The following CACNB3 variants were observed in gnomAD, a reference collection of about 807,000 sequenced individuals.
CACNB3 encodes the protein calcium voltage-gated channel auxiliary subunit beta 3.
A neutral mutation model predicts 63.7 loss-of-function variants in CACNB3; 36 were observed. The ratio of observed to expected loss-of-function variants is 0.57; its 90% confidence interval spans 0.43 to 0.75. The LOEUF (loss-of-function observed/expected upper bound fraction) is 0.75. CACNB3 is among the 30% of genes least tolerant of loss of function. The probability of loss-of-function intolerance (pLI) is 0.00; values close to 1 mark genes in which losing one functional copy is unlikely to be tolerated. For missense variants in CACNB3, 493 were observed against 648.6 expected (o/e 0.76, Z 2.61); for synonymous variants, 241 against 250.6 (o/e 0.96, Z 0.36).
At position 48,826,492 on chromosome 12, in the gene CACNB3, G is replaced by A. The variant is rs201472603; in HGVS notation, c.868G>A (p.Val290Ile). The A allele has an allele frequency of 1.7e-5, 27 of 1,613,942 alleles. No homozygotes were observed. The highest frequency in any genetic ancestry group is 2.7e-5 in the African/African-American group (2 of 74,912). ...CAAGACCTCGCTGGCCCCCATCATC[G>A]TCTTTGTCAAAGTGTCCTCACCAAA... ...LAKTSLAPII[V>I]FVKVSSPKVL... The change falls in exon 10 of 13, where the codon GTC becomes ATC. Residue 290 changes from valine (V) to isoleucine (I), a missense_variant. Physicochemically the swap from Val to Ile is conservative, Grantham distance 29 (BLOSUM62 3). Coordinates refer to ENST00000301050, the MANE Select transcript of CACNB3 (RefSeq NM_000725.4). The surrounding 1 kb of genome is among the most constrained non-coding windows in gnomAD (Gnocchi z 4.8).
At chr12:48,818,436 C>T, upstream of CACNB3, 2 of 987,846 alleles carry the variant, frequency 2.0e-6, no homozygotes, top group African/African-American at 1.7e-5. This position sits in a 1 kb window ranked among gnomAD's most constrained non-coding sequence, Gnocchi z 4.3. Flanking sequence ...TCTCTGTCTC[C>T]GCATCTCTCC....
chr12:48,817,660 C>CT (rs1398678591), upstream of CACNB3, among the ~76,000 whole-genome samples: 1 of 152,180 alleles, frequency 6.6e-6, no homozygotes, highest in Non-Finnish European at 1.5e-5. Context: ...GTAAAGGAGA[C>CT]TGAGTGGTGC....
chr12:48,826,317 G>A lies in CACNB3; in HGVS notation c.743-50G>A. ...GGGAGCCCTCAAAGCCTGCTGGAGT[G>A]AGCAGTGGGCAGAGCTCCTGGTGAG... On this transcript the variant is annotated intron_variant, in intron 9 of 12. Transcript: ENST00000301050. This position sits in a 1 kb window ranked among gnomAD's most constrained non-coding sequence, Gnocchi z 4.8. 6.2e-7 allele frequency: 1 copy of A among 1,602,716 alleles called. No homozygotes were observed. Among genetic ancestry groups the A allele is most frequent in the Non-Finnish European group, 8.5e-7 (1 of 1,170,268 alleles).
chr12:48,818,622 G>T lies in CACNB3; in HGVS notation c.-308G>T. On this transcript the variant is annotated 5_prime_UTR_variant, in exon 1 of 13. Transcript: ENST00000301050. This position sits in a 1 kb window ranked among gnomAD's most constrained non-coding sequence, Gnocchi z 4.3. The stretch of plus-strand genomic sequence containing the variant: ...TGGCCGCCGCCCCCTCGCCGCCCCC[G>T]CCTTCTCCCGGGGAGGGGGTCAGGT... The T allele has an allele frequency of 9.0e-7, 1 of 1,108,578 alleles. No individual in the cohort carries two copies. The highest frequency in any genetic ancestry group is 1.1e-6 in the Non-Finnish European group (1 of 910,396). 68.7% of individuals were successfully genotyped at this position (1,108,578 alleles called of 1,614,324 possible).
Position 48,818,951 on chromosome 12 carries a change from CCCG to C in CACNB3, c.23_25del (p.Pro8_Gly9delinsArg). 6.2e-7 allele frequency: 1 copy of C among 1,604,162 alleles called. No individual in the cohort carries two copies. The highest frequency in any genetic ancestry group is 1.1e-5 in the South Asian group (1 of 88,934). Reference sequence around the variant, plus strand: ...CCCCATGTATGACGACTCCTACGTGCCCGGGTTTGAGGACTCGGAGGCGGTGAG... The same window carrying C: ...CCCCATGTATGACGACTCCTACGTGCGGTTTGAGGACTCGGAGGCGGTGAG... On this transcript the variant is annotated inframe_deletion, in exon 1 of 13. Transcript: ENST00000301050. The surrounding 1 kb of genome is among the most constrained non-coding windows in gnomAD (Gnocchi z 4.3).
In CACNB3 at chr12:48,818,603, C is replaced by T; in HGVS notation, c.-327C>T. 1 of 1,095,068 alleles carries T rather than the reference C, an allele frequency of 9.1e-7. No homozygotes were observed. The highest frequency in any genetic ancestry group is 1.1e-6 in the Non-Finnish European group (1 of 901,216). The allele number at this position is 1,095,068 out of a possible 1,614,324, so 67.8% of individuals were successfully genotyped here. ...CCTGGCCCGGGCTCCCCGGTGGCCG[C>T]CGCCCCCTCGCCGCCCCCGCCTTCT... is the stretch of plus-strand genomic sequence containing the variant. On this transcript the variant is annotated 5_prime_UTR_variant, in exon 1 of 13. Coordinates refer to ENST00000301050, the MANE Select transcript of CACNB3 (RefSeq NM_000725.4). This position sits in a 1 kb window ranked among gnomAD's most constrained non-coding sequence, Gnocchi z 4.3.
Position 48,825,359 on chromosome 12 carries a change from T to C in CACNB3, c.574-75T>C. 1.3e-6 allele frequency: 2 copies of C among 1,583,614 alleles called. No individual in the cohort carries two copies. The highest frequency in any genetic ancestry group is 2.2e-5 in the East Asian group (1 of 44,680). The stretch of plus-strand genomic sequence containing the variant: ...GTCCAGGGTGTGTATGTGGAGCGCA[T>C]TGACTCTGGGGCCATGCATGGGGAG... On this transcript the variant is annotated intron_variant, in intron 7 of 12. Coordinates refer to ENST00000301050, the MANE Select transcript of CACNB3 (RefSeq NM_000725.4). The surrounding 1 kb of genome is among the most constrained non-coding windows in gnomAD (Gnocchi z 4.5).
chr12:48,828,260 A>C lies in CACNB3; in HGVS notation c.*361A>C. On this transcript the variant is annotated 3_prime_UTR_variant, in exon 13 of 13. Coordinates refer to ENST00000301050, the MANE Select transcript of CACNB3 (RefSeq NM_000725.4). ...GACTCAGGGAAGGGATGCCCCATTA[A>C]AGTGACAAAAGGGTGGGGTGTGGGC... 1 of 347,736 alleles carries C rather than the reference A, an allele frequency of 2.9e-6. No homozygotes were observed. The highest frequency in any genetic ancestry group is 5.5e-6 in the Non-Finnish European group (1 of 182,102). 21.5% of individuals were successfully genotyped at this position (347,736 alleles called of 1,614,324 possible).
Position 48,828,485 on chromosome 12 carries a change from A to T in CACNB3, c.*586A>T, listed in dbSNP as rs747582118. ...CCAAGACTGGAGCAGCAGGCTGGCCACGCTCGGGCCAGAGAGAGCTCACAG... is the reference window on the plus strand; with the variant it reads ...CCAAGACTGGAGCAGCAGGCTGGCCTCGCTCGGGCCAGAGAGAGCTCACAG... On this transcript the variant is annotated 3_prime_UTR_variant, in exon 13 of 13. Transcript: ENST00000301050. The T allele has an allele frequency of 1.3e-4, 47 of 352,108 alleles. No homozygotes were observed. Among genetic ancestry groups the T allele is most frequent in the Non-Finnish European group, 2.4e-4 (43 of 177,610 alleles). 21.8% of individuals were successfully genotyped at this position (352,108 alleles called of 1,614,324 possible). A position where few individuals can be genotyped will look rare whatever the true frequency, so the allele number is the denominator to read the frequency against.
chr12:48,816,460 G>A (rs1217220567), upstream of CACNB3, among the ~76,000 whole-genome samples: 1 of 152,212 alleles, frequency 6.6e-6, no homozygotes, highest in African/African-American at 2.4e-5. Flanking sequence ...ACACTGACAG[G>A]CACATGTCCT....
At chr12:48,827,241 C>T in intron 12 of CACNB3, 118 bp downstream of exon 12, 1 of 1,281,174 alleles carries the variant, frequency 7.8e-7, no homozygotes, top group Non-Finnish European at 1.1e-6. Context: ...GTAGAACTCT[C>T]AGCTCTGCTG....
At position 48,825,541 on chromosome 12, in the gene CACNB3, GGCCTACTTCCAGAT is replaced by G. The variant is rs1938087253; in HGVS notation, c.632+54_632+67del. 6.2e-7 allele frequency: 1 copy of G among 1,605,928 alleles called. No individual in the cohort carries two copies. Among genetic ancestry groups the G allele is most frequent in the Non-Finnish European group, 8.5e-7 (1 of 1,172,588 alleles). ...GCCTGAGAACCAAGGAGAAGCTCAT[GGCCTACTTCCAGAT>G]GCCTGTAGCTAGTCTTCTCTAAGGG... On this transcript the variant is annotated intron_variant, in intron 8 of 12. Transcript: ENST00000301050. This position sits in a 1 kb window ranked among gnomAD's most constrained non-coding sequence, Gnocchi z 4.5.
chr12:48,828,907 C>T lies in CACNB3; in HGVS notation c.*1008C>T. On this transcript the variant is annotated 3_prime_UTR_variant, in exon 13 of 13. Coordinates refer to ENST00000301050, the MANE Select transcript of CACNB3 (RefSeq NM_000725.4). ...CATGCTCCACAAGCCCCTGCCTCAC[C>T]TCACTGTCATCACTAATAAACATCA... The T allele has an allele frequency of 2.7e-6, 1 of 376,376 alleles. No homozygotes were observed. The highest frequency in any genetic ancestry group is 5.3e-6 in the Non-Finnish European group (1 of 189,522). The allele number at this position is 376,376 out of a possible 1,614,324, so 23.3% of individuals were successfully genotyped here.
chr12:48,826,626 C>A lies in CACNB3; in HGVS notation c.894+108C>A. Reference sequence around the variant, plus strand: ...GCACCTGAGTTCCCTTTTCCTGCTGCCCTTAACACAACTCTGAGTCATCCT... The same window carrying A: ...GCACCTGAGTTCCCTTTTCCTGCTGACCTTAACACAACTCTGAGTCATCCT... On this transcript the variant is annotated intron_variant, in intron 10 of 12. Coordinates refer to ENST00000301050, the MANE Select transcript of CACNB3 (RefSeq NM_000725.4). This position sits in a 1 kb window ranked among gnomAD's most constrained non-coding sequence, Gnocchi z 4.8. The A allele has an allele frequency of 6.8e-7, 1 of 1,466,538 alleles. No individual in the cohort carries two copies. Among genetic ancestry groups the A allele is most frequent in the Non-Finnish European group, 9.5e-7 (1 of 1,051,312 alleles). The allele number at this position is 1,466,538 out of a possible 1,614,324, so 90.8% of individuals were successfully genotyped here.
upstream of CACNB3, chr12:48,814,577 A>C: frequency 6.7e-7 from 1 of 1,503,078 alleles, no homozygotes; most frequent in Non-Finnish European, 8.8e-7. This position sits in a 1 kb window ranked among gnomAD's most constrained non-coding sequence, Gnocchi z 6.9. Flanking sequence ...AGGGTCCCGG[A>C]AGGGCGCGGG....
At position 48,827,490 on chromosome 12, in the gene CACNB3, G is replaced by A. The variant is rs528640474; in HGVS notation, c.1141-95G>A. 2.0e-5 allele frequency: 23 copies of A among 1,158,710 alleles called. No homozygotes were observed. The South Asian group carries it at 3.2e-4, about 16-fold the overall frequency. The allele number at this position is 1,158,710 out of a possible 1,614,324, so 71.8% of individuals were successfully genotyped here. A position where few individuals can be genotyped will look rare whatever the true frequency, so the allele number is the denominator to read the frequency against. Reference sequence around the variant, plus strand: ...TTCCTTGCACTATTTCCTTTACCGGGGAATTGAGAGTTGAGGGGGGAAGAA... The same window carrying A: ...TTCCTTGCACTATTTCCTTTACCGGAGAATTGAGAGTTGAGGGGGGAAGAA... On this transcript the variant is annotated intron_variant, in intron 12 of 12. Coordinates refer to ENST00000301050, the MANE Select transcript of CACNB3 (RefSeq NM_000725.4).
Position 48,818,925 on chromosome 12 carries a change from C to G in CACNB3, c.-5C>G, listed in dbSNP as rs774346516. The G allele has an allele frequency of 1.2e-5, 19 of 1,590,320 alleles. No homozygotes were observed. The highest frequency in any genetic ancestry group is 1.5e-5 in the Non-Finnish European group (18 of 1,168,510). On this transcript the variant is annotated 5_prime_UTR_variant, in exon 1 of 13. Transcript: ENST00000301050. This position sits in a 1 kb window ranked among gnomAD's most constrained non-coding sequence, Gnocchi z 4.3. The stretch of plus-strand genomic sequence containing the variant: ...GCCGCTCGCTCCCCCGACCCGGACT[C>G]CCCCATGTATGACGACTCCTACGTG...
chr12:48,815,502 A>C (rs373778827), upstream of CACNB3: 2 of 1,360,940 alleles, frequency 1.5e-6, no homozygotes, highest in East Asian at 2.6e-5. Context: ...AGAGGGAGGG[A>C]GGGAGGAGGG....
chr12:48,815,492 A>AGAGG (rs1473799718), upstream of CACNB3: 5 of 1,323,306 alleles, frequency 3.8e-6, no homozygotes, highest in Middle Eastern at 2.6e-4. Context: ...AAAGGAAGGG[A>AGAGG]GAGGGAGGGA....
Sources: allele counts gnomAD v4.1 joint callset (sites outside exome capture counted in the v4.1 genomes callset), GRCh38; gene constraint gnomAD v4.1.1; non-coding constraint Gnocchi (gnomAD v3.1); transcripts MANE v1.5; gene names NCBI Gene and HGNC (gene_info 2026-07-23, HGNC 2026-07-21).